CACNA1B: variants seen among roughly 807,000 people sequenced by gnomAD.
The protein encoded by CACNA1B is voltage-dependent N-type calcium channel subunit alpha-1B.
Under a neutral mutation model 247.2 loss-of-function variants are expected in CACNA1B, and 70 were observed. The observed-to-expected ratio is 0.28, with a 90% CI of 0.23 to 0.35. The LOEUF (loss-of-function observed/expected upper bound fraction) is 0.35. CACNA1B is among the 10% of genes least tolerant of loss of function. The pLI is 1.00. For synonymous variants in CACNA1B, 1,231 were observed against 1,294.4 expected (o/e 0.95, Z 1.05); for missense variants, 2,367 against 3,197.4 (o/e 0.74, Z 6.26).
intron 6 of CACNA1B, among the ~76,000 whole-genome samples, chr9:137,918,669 T>C (rs571541128): frequency 4.5e-4 from 68 of 152,264 alleles, no homozygotes; most frequent in African/African-American, 1.6e-3. Flanking sequence ...GGACAGGTCC[T>C]GGGGAGAGAC....
intron 6 of CACNA1B, among the ~76,000 whole-genome samples, chr9:137,949,283 T>TGCGC (rs1957848241): frequency 0.017 from 82 of 4,738 alleles, no homozygotes; most frequent in Admixed American, 0.024. Context: ...GGTGTGTGTG[T>TGCGC]TTGCGTGTCC....
rs116968198 is a variant in CACNA1B, at chr9:138,109,112, A to T, written c.5429-3286A>T. On this transcript the variant is annotated intron_variant, in intron 39 of 46. Transcript: ENST00000371372. ...GAAAAAGCATTTGACAAAATTCAAC[A>T]TCCATTCATGATTTTTAAAATTTTA... 4.8e-3 allele frequency among the ~76,000 whole-genome samples: 735 copies of T among 152,358 alleles called. 7 individuals carry two copies. The highest frequency in any genetic ancestry group is 6.6e-3 in the Non-Finnish European group (446 of 68,034).
At chr9:138,113,453 G>A (rs1204924457) in intron 40 of CACNA1B, among the ~76,000 whole-genome samples, 1 of 149,846 alleles carries the variant, frequency 6.7e-6, no homozygotes, top group African/African-American at 2.5e-5. Context: ...TCTTGTGGGA[G>A]ACGTGAGGGA....
At chr9:137,937,880 A>G (rs1957686695) in intron 6 of CACNA1B, among the ~76,000 whole-genome samples, 1 of 143,148 alleles carries the variant, frequency 7.0e-6, no homozygotes, top group African/African-American at 2.6e-5. Flanking sequence ...TTGGGAGGCG[A>G]AGGTTGTGGT....
In CACNA1B at chr9:138,016,983, G is replaced by A. The variant is rs143097529; in HGVS notation, c.2267+3748G>A. Reference sequence around the variant, plus strand: ...AACTTCTCTTTCACCCTGAGGTCTCGGCTGGTGCCCGTCTGACGGACGCGT... The same window carrying A: ...AACTTCTCTTTCACCCTGAGGTCTCAGCTGGTGCCCGTCTGACGGACGCGT... On this transcript the variant is annotated intron_variant, in intron 18 of 46. Transcript: ENST00000371372. Among the ~76,000 whole-genome samples the A allele has an allele frequency of 4.7e-4, 72 of 152,330 alleles. 2 individuals are homozygous for A. In the East Asian group the frequency reaches 0.013, roughly 28 times the overall value.
In CACNA1B at chr9:138,093,900, A is replaced by T. The variant is rs144107123; in HGVS notation, c.5095-2584A>T. ...AGTAGTAAAAGTGAATTACAGAATG[A>T]TCCAGTAATTGTACTCTTGGTATAG... On this transcript the variant is annotated intron_variant, in intron 36 of 46. Coordinates refer to ENST00000371372, the MANE Select transcript of CACNA1B (RefSeq NM_000718.4). Among the ~76,000 whole-genome samples, 52 of 152,322 alleles carry T rather than the reference A, an allele frequency of 3.4e-4. 1 individual carries two copies. The East Asian group carries it at 7.9e-3, about 23-fold the overall frequency.
Position 138,120,308 on chromosome 9 carries a change from C to T in CACNA1B, c.6174C>T (p.Arg2058=). 1 of 1,567,490 alleles carries T rather than the reference C, an allele frequency of 6.4e-7. No homozygotes were observed. Among genetic ancestry groups the T allele is most frequent in the Non-Finnish European group, 8.6e-7 (1 of 1,160,694 alleles). ...SSHHHHHRCH[R]RRDRKQRSLE... ...ACCACCACCACCACCGCTGCCACCG[C>T]CGCAGGGACAGGAAGCAGAGGTCCC... The change falls in exon 45 of 47, where the codon CGC becomes CGT. Residue 2058 remains arginine (R), a synonymous_variant. Transcript: ENST00000371372.
rs145680848 is a variant in CACNA1B at position 138,115,505 on chromosome 9, T to C, written c.5650-47T>C. ...GTCAGAGCAGGTCACAGAGGCCACA[T>C]TGCAGGCCCATTGGAGCTCTTTCCC... is the stretch of plus-strand genomic sequence containing the variant. On this transcript the variant is annotated intron_variant, in intron 41 of 46. Coordinates refer to ENST00000371372, the MANE Select transcript of CACNA1B (RefSeq NM_000718.4). 2,026 of 1,592,888 alleles carry C rather than the reference T, an allele frequency of 1.3e-3. 24 individuals carry two copies. The African/African-American group carries it at 0.024, about 19-fold the overall frequency.
At chr9:137,905,668 TAAATTC>T (rs1320642389) in intron 3 of CACNA1B, among the ~76,000 whole-genome samples, 1 of 152,250 alleles carries the variant, frequency 6.6e-6, no homozygotes, top group African/African-American at 2.4e-5. Flanking sequence ...TTGTATATTT[TAAATTC>T]AAATCACAGG....
rs145163650 is a variant in CACNA1B at position 138,060,853 on chromosome 9, T to C, written c.4668+1116T>C. Among the ~76,000 whole-genome samples the C allele has an allele frequency of 3.3e-4, 51 of 152,266 alleles. 2 individuals are homozygous for C. In the East Asian group the frequency reaches 6.0e-3, roughly 18 times the overall value. On this transcript the variant is annotated intron_variant, in intron 31 of 46. Transcript: ENST00000371372. The stretch of plus-strand genomic sequence containing the variant: ...GCTGTGCTGGTCCAAGCAGAGCTGG[T>C]GTTCATCATCCCGTTCCCCCCACCC...
chr9:138,037,145 G>A (rs1213988349), intron 20 of CACNA1B, among the ~76,000 whole-genome samples: 2 of 152,194 alleles, frequency 1.3e-5, no homozygotes, highest in Non-Finnish European at 2.9e-5. Flanking sequence ...TTGGTTGTTT[G>A]CATCATGGTG....
At chr9:138,046,720 G>A (rs1959188801) in intron 21 of CACNA1B, among the ~76,000 whole-genome samples, 184 bp from the exon 22 acceptor site, 1 of 152,242 alleles carries the variant, frequency 6.6e-6, no homozygotes, top group African/African-American at 2.4e-5. Flanking sequence ...AGGAATCTCA[G>A]CCACTGTCCG....
chr9:138,093,440 C>G (rs940885876), intron 36 of CACNA1B, among the ~76,000 whole-genome samples: 23 of 133,236 alleles, frequency 1.7e-4, no homozygotes, highest in Admixed American at 8.4e-4. Context: ...AAGAAGAAGA[C>G]AGAAAAGAAA....
chr9:137,982,352 C>T (rs982666769), intron 12 of CACNA1B, among the ~76,000 whole-genome samples: 4 of 152,104 alleles, frequency 2.6e-5, no homozygotes, highest in African/African-American at 4.8e-5. Flanking sequence ...TCCCAGCTGC[C>T]GGAGTGTCCT....
rs1564299940 is a variant in CACNA1B, at chr9:138,121,630, G to A, written c.6651G>A (p.Gln2217=). 1.2e-6 allele frequency: 2 copies of A among 1,613,064 alleles called. No individual in the cohort carries two copies. The highest frequency in any genetic ancestry group is 8.5e-7 in the Non-Finnish European group (1 of 1,179,412). ...NSSPIHFAGA[Q]TSLPAFSPGR... ...CACCCATCCACTTCGCCGGGGCTCA[G>A]ACCAGCCTCCCTGCCTTCTCCCCAG... Residue 2217 remains glutamine, a synonymous_variant, in exon 47 of 47, where the codon CAG becomes CAA. Coordinates refer to ENST00000371372, the MANE Select transcript of CACNA1B (RefSeq NM_000718.4). This position sits in a 1 kb window ranked among gnomAD's most constrained non-coding sequence, Gnocchi z 6.8.
chr9:137,913,215 G>A lies in CACNA1B; in HGVS notation c.566G>A (p.Arg189Gln). ...LATAGTDFDLRTLRAVRVLRP... is the reference protein window; with the variant it reads ...LATAGTDFDLQTLRAVRVLRP... ...ACGGCTGGAACTGACTTCGACCTGC[G>A]AACACTGAGGGCTGTGCGTGTGCTG... Residue 189 changes from arginine to glutamine, a missense_variant, in exon 4 of 47, where the codon CGA becomes CAA. Transcript: ENST00000371372. The surrounding 1 kb of genome is among the most constrained non-coding windows in gnomAD (Gnocchi z 5.2). 1.9e-6 allele frequency: 3 copies of A among 1,613,910 alleles called. No homozygotes were observed. The highest frequency in any genetic ancestry group is 2.5e-6 in the Non-Finnish European group (3 of 1,179,876).
intron 6 of CACNA1B, among the ~76,000 whole-genome samples, chr9:137,931,842 C>G (rs1237860916): frequency 6.6e-6 from 1 of 152,014 alleles, no homozygotes; most frequent in East Asian, 1.9e-4. Context: ...TGAACATGGT[C>G]CAAAAACCAA....
intron 32 of CACNA1B, among the ~76,000 whole-genome samples, chr9:138,070,402 G>A (rs538765882): frequency 2.4e-4 from 36 of 152,348 alleles, no homozygotes; most frequent in South Asian, 1.9e-3. Context: ...CAGTGGAGCC[G>A]AAGCTCCCCC....
intron 6 of CACNA1B, among the ~76,000 whole-genome samples, chr9:137,922,086 T>G (rs931719912): frequency 6.8e-6 from 1 of 147,094 alleles, no homozygotes; most frequent in African/African-American, 2.6e-5. Flanking sequence ...AGTAAAGCGT[T>G]CGGAGAACAT....
Sources: allele counts gnomAD v4.1 joint callset (sites outside exome capture counted in the v4.1 genomes callset), GRCh38; gene constraint gnomAD v4.1.1; non-coding constraint Gnocchi (gnomAD v3.1); transcripts MANE v1.5; gene names NCBI Gene and HGNC (gene_info 2026-07-23, HGNC 2026-07-21).